The following EDIL3 variants were observed in gnomAD, a reference collection of about 807,000 sequenced individuals.
EDIL3 encodes the protein EGF-like repeat and discoidin I-like domain-containing protein 3.
In EDIL3, 37 loss-of-function variants were observed where a neutral mutation model predicts 67.4. The ratio of observed to expected loss-of-function variants is 0.55; its 90% CI spans 0.42 to 0.72. The LOEUF (loss-of-function observed/expected upper bound fraction) is 0.72. EDIL3 is among the 30% of genes least tolerant of loss of function. The pLI, the probability that EDIL3 is intolerant of heterozygous loss-of-function variation, is 0.00. For missense variants in EDIL3, 527 were observed against 586.3 expected (o/e 0.90, Z 1.04); for synonymous variants, 195 against 196.3 (o/e 0.99, Z 0.05).
intron 6 of EDIL3, among the ~76,000 whole-genome samples, chr5:84,101,281 G>A (rs1003531490): frequency 6.6e-5 from 10 of 151,994 alleles, no homozygotes; most frequent in Non-Finnish European, 1.3e-4. Flanking sequence ...ACTTGGATAA[G>A]ATAATTAACC....
chr5:84,074,517 C>T (rs1245222603), intron 6 of EDIL3, among the ~76,000 whole-genome samples: 1 of 152,030 alleles, frequency 6.6e-6, no homozygotes, highest in Non-Finnish European at 1.5e-5. Flanking sequence ...AAACAAATAA[C>T]CCCATCAAAA....
intron 9 of EDIL3, among the ~76,000 whole-genome samples, chr5:84,057,580 C>T (rs1396706483): frequency 6.6e-6 from 1 of 151,922 alleles, no homozygotes; most frequent in African/African-American, 2.4e-5. Context: ...AAAGTAAGAA[C>T]CTGAAAACTT....
chr5:84,099,364 A>G lies in EDIL3; in HGVS notation c.651+7285T>C, dbSNP rs970627584. Among the ~76,000 whole-genome samples the G allele has an allele frequency of 2.0e-5, 3 of 151,662 alleles. No homozygotes were observed. The South Asian group carries it at 6.2e-4, about 31-fold the overall frequency. Reference sequence around the variant, plus strand: ...ACTTCAAACTATACTACAAGGCTACAGTAACCAAAACAGATATATAGACCA... The same window carrying G: ...ACTTCAAACTATACTACAAGGCTACGGTAACCAAAACAGATATATAGACCA... On this transcript the variant is annotated intron_variant, in intron 6 of 10. Coordinates refer to ENST00000296591, the MANE Select transcript of EDIL3 (RefSeq NM_005711.5).
chr5:84,191,981 G>C (rs1035156871), intron 3 of EDIL3, among the ~76,000 whole-genome samples: 1 of 151,898 alleles, frequency 6.6e-6, no homozygotes, highest in South Asian at 2.1e-4. Flanking sequence ...AGGCACTTAG[G>C]GTTATAGCCA....
intron 5 of EDIL3, among the ~76,000 whole-genome samples, chr5:84,120,819 T>C (rs1224830468): frequency 6.6e-6 from 1 of 151,922 alleles, no homozygotes; most frequent in African/African-American, 2.4e-5. Flanking sequence ...TTTTTAAGGT[T>C]TGACTGCACA....
intron 1 of EDIL3, among the ~76,000 whole-genome samples, chr5:84,262,885 G>A (rs1362996432): frequency 3.3e-5 from 5 of 151,452 alleles, no homozygotes; most frequent in Non-Finnish European, 5.9e-5. Context: ...TGTACAGACT[G>A]GTCTTGAATT....
chr5:84,313,272 T>A (rs775937174), intron 1 of EDIL3, among the ~76,000 whole-genome samples: 9 of 152,158 alleles, frequency 5.9e-5, no homozygotes, highest in Admixed American at 1.3e-4. Flanking sequence ...AGGGGAAAAA[T>A]AACCTAAGTC....
chr5:84,099,295 A>G (rs1747319215), intron 6 of EDIL3, among the ~76,000 whole-genome samples: 3 of 149,108 alleles, frequency 2.0e-5, no homozygotes, highest in African/African-American at 7.4e-5. Context: ...TAGTCAAGAC[A>G]ATCCTAAGCA....
In EDIL3 at chr5:83,940,920, C is replaced by T. The variant is rs981056213; in HGVS notation, c.*2499G>A. 1.3e-5 allele frequency: 2 copies of T among 151,862 alleles called. No individual in the cohort carries two copies. The highest frequency in any genetic ancestry group is 4.8e-5 in the African/African-American group (2 of 41,390). The allele number at this position is 151,862 out of a possible 1,614,324, so 9.4% of individuals were successfully genotyped here. On this transcript the variant is annotated 3_prime_UTR_variant, in exon 11 of 11. Coordinates refer to ENST00000296591, the MANE Select transcript of EDIL3 (RefSeq NM_005711.5). ...TTAAAATTGGCAACTATGATAAATA[C>T]CTTCAAAAGGATGTAGATATAATGG...
intron 4 of EDIL3, among the ~76,000 whole-genome samples, chr5:84,142,037 C>A (rs1315079549): frequency 3.3e-5 from 5 of 149,560 alleles, no homozygotes; most frequent in African/African-American, 9.9e-5. Context: ...TCACCTTATG[C>A]ACATCCACAT....
chr5:84,301,249 C>G (rs1580064578), intron 1 of EDIL3, among the ~76,000 whole-genome samples: 1 of 126,260 alleles, frequency 7.9e-6, no homozygotes, highest in Non-Finnish European at 1.6e-5. Context: ...GCCTGGGCAA[C>G]AAGAGCGAAA....
intron 10 of EDIL3, among the ~76,000 whole-genome samples, chr5:83,951,564 G>T (rs1469781655): frequency 1.3e-5 from 2 of 151,340 alleles, no homozygotes; most frequent in Non-Finnish European, 3.0e-5. Flanking sequence ...AGGCAAAGGT[G>T]TTTTTTTCCC....
At chr5:84,312,344 C>A (rs1196332747) in intron 1 of EDIL3, among the ~76,000 whole-genome samples, 3 of 145,026 alleles carry the variant, frequency 2.1e-5, no homozygotes, top group East Asian at 4.3e-4. Context: ...CTGACCCCCC[C>A]ACCTCCCTCC....
intron 1 of EDIL3, among the ~76,000 whole-genome samples, chr5:84,302,341 G>T (rs1746179013): frequency 6.6e-6 from 1 of 151,968 alleles, no homozygotes; most frequent in Non-Finnish European, 1.5e-5. Context: ...CTGTCGCCCA[G>T]GCTAGAGTGC....
At chr5:84,065,499 T>C (rs1746623064) in intron 7 of EDIL3, among the ~76,000 whole-genome samples, 1 of 152,048 alleles carries the variant, frequency 6.6e-6, no homozygotes. Flanking sequence ...TTTAAATTCA[T>C]TTAAGGGGGT....
At chr5:84,224,950 T>C (rs1167455069) in intron 3 of EDIL3, among the ~76,000 whole-genome samples, 1 of 151,604 alleles carries the variant, frequency 6.6e-6, no homozygotes, top group Non-Finnish European at 1.5e-5. Flanking sequence ...AGTTTGTAAT[T>C]AGATCTTAAA....
chr5:83,958,526 C>T (rs1744553713), intron 10 of EDIL3, among the ~76,000 whole-genome samples: 1 of 151,316 alleles, frequency 6.6e-6, no homozygotes, highest in South Asian at 2.1e-4. Flanking sequence ...TTACAAAACC[C>T]TGGATAATTT....
intron 1 of EDIL3, among the ~76,000 whole-genome samples, chr5:84,375,405 A>T (rs1726356771): frequency 6.6e-6 from 1 of 151,956 alleles, no homozygotes; most frequent in Non-Finnish European, 1.5e-5. Flanking sequence ...ATAATTCTTC[A>T]CATAAACCAG....
intron 2 of EDIL3, among the ~76,000 whole-genome samples, chr5:84,231,287 G>T (rs1744573399): frequency 6.6e-6 from 1 of 152,164 alleles, no homozygotes; most frequent in South Asian, 2.1e-4. Context: ...AAGTTTGTCT[G>T]AAGCAGCTTC....
Sources: allele counts gnomAD v4.1 joint callset (sites outside exome capture counted in the v4.1 genomes callset), GRCh38; gene constraint gnomAD v4.1.1; transcripts MANE v1.5; gene names NCBI Gene and HGNC (gene_info 2026-07-23, HGNC 2026-07-21).